The following RGS7 variants were observed in gnomAD, a reference collection of about 807,000 sequenced individuals.
RGS7 encodes regulator of G protein signaling 7.
A neutral mutation model predicts 81.1 loss-of-function variants in RGS7; 27 were observed. The ratio of observed to expected loss-of-function variants is 0.33; its 90% CI spans 0.25 to 0.46. RGS7 has a LOEUF of 0.46. RGS7 is among the 20% of genes least tolerant of loss of function. RGS7 has a pLI of 1.00. For synonymous variants in RGS7, 208 were observed against 207.7 expected, an observed-to-expected ratio of 1.00 and a Z score of -0.01; for missense variants, 396 against 607.4, an observed-to-expected ratio of 0.65 and a Z score of 3.66.
At chr1:241,170,220 G>A (rs1165461310) in intron 2 of RGS7, among the ~76,000 whole-genome samples, 2 of 151,968 alleles carry the variant, frequency 1.3e-5, no homozygotes, top group Non-Finnish European at 2.9e-5. Context: ...TCACCACTCC[G>A]ACTTTTGCTT....
At chr1:240,829,124 G>A (rs1693364827) in intron 9 of RGS7, among the ~76,000 whole-genome samples, 1 of 152,020 alleles carries the variant, frequency 6.6e-6, no homozygotes, top group Non-Finnish European at 1.5e-5. Context: ...TAATAGATAA[G>A]GAAGTAAATG....
intron 9 of RGS7, among the ~76,000 whole-genome samples, chr1:240,832,955 A>G (rs962043959): frequency 6.6e-6 from 1 of 152,208 alleles, no homozygotes; most frequent in African/African-American, 2.4e-5. Context: ...AACCACGGAT[A>G]GTACCAAACC....
At chr1:240,833,652 C>A (rs981567901) in intron 9 of RGS7, among the ~76,000 whole-genome samples, 1 of 152,064 alleles carries the variant, frequency 6.6e-6, no homozygotes, top group Non-Finnish European at 1.5e-5. Flanking sequence ...AAAGAGTCAC[C>A]GCTTTGTAAT....
intron 2 of RGS7, among the ~76,000 whole-genome samples, chr1:241,162,704 C>T (rs572714047): frequency 9.0e-4 from 137 of 152,306 alleles, no homozygotes; most frequent in African/African-American, 3.2e-3. Flanking sequence ...AGGCAAGGAT[C>T]GAGTTTCTGC....
At chr1:241,213,096 A>T (rs2074341062) in intron 2 of RGS7, among the ~76,000 whole-genome samples, 1 of 152,142 alleles carries the variant, frequency 6.6e-6, no homozygotes, top group Non-Finnish European at 1.5e-5. Flanking sequence ...GATGGTGCTG[A>T]TTCAGAACAC....
chr1:241,287,364 CT>C (rs1430631638), intron 2 of RGS7, among the ~76,000 whole-genome samples: 2 of 152,074 alleles, frequency 1.3e-5, no homozygotes, highest in East Asian at 3.9e-4. Flanking sequence ...CTGTGCTGTT[CT>C]TGTGATAGTG....
At chr1:240,787,588 A>C (rs943031732) in intron 18 of RGS7, among the ~76,000 whole-genome samples, 4 of 152,208 alleles carry the variant, frequency 2.6e-5, no homozygotes, top group Non-Finnish European at 5.9e-5. Flanking sequence ...AGTAATTTGA[A>C]AGATTAAACT....
chr1:240,793,611 A>ATTTTTTTTTTTTTTTT (rs1205854418), intron 18 of RGS7, among the ~76,000 whole-genome samples: 5 of 78,872 alleles, frequency 6.3e-5, no homozygotes, highest in African/African-American at 3.9e-4. Flanking sequence ...ATATATATAT[A>ATTTTTTTTTTTTTTTT]TTTTTTTTTT....
intron 4 of RGS7, among the ~76,000 whole-genome samples, chr1:240,969,678 T>C (rs982976250): frequency 6.6e-6 from 1 of 152,244 alleles, no homozygotes; most frequent in Non-Finnish European, 1.5e-5. Context: ...CTGGCATTTA[T>C]AGATGCATGT....
chr1:241,086,807 G>C (rs1436598288), intron 3 of RGS7, among the ~76,000 whole-genome samples: 1 of 152,106 alleles, frequency 6.6e-6, no homozygotes, highest in Non-Finnish European at 1.5e-5. Context: ...CCTGTGCAAA[G>C]GTCACGCGAC....
chr1:241,299,772 A>G (rs2079622661), intron 2 of RGS7, among the ~76,000 whole-genome samples: 1 of 151,428 alleles, frequency 6.6e-6, no homozygotes, highest in Admixed American at 6.6e-5. Context: ...CTTAACTGTC[A>G]CATTAAAGCA....
intron 3 of RGS7, among the ~76,000 whole-genome samples, chr1:240,993,285 G>C (rs1241655765): frequency 1.3e-5 from 2 of 152,038 alleles, no homozygotes; most frequent in African/African-American, 4.8e-5. Context: ...GAAAGAGAGA[G>C]AGAGAGAAAG....
intron 2 of RGS7, among the ~76,000 whole-genome samples, chr1:241,299,999 C>A (rs1208557471): frequency 1.4e-5 from 2 of 146,510 alleles, no homozygotes; most frequent in Non-Finnish European, 3.0e-5. Context: ...CTTGTAATAC[C>A]AGCCACTCGG....
intron 18 of RGS7, among the ~76,000 whole-genome samples, chr1:240,785,331 G>A (rs1684884344): frequency 6.6e-6 from 1 of 152,152 alleles, no homozygotes; most frequent in African/African-American, 2.4e-5. Context: ...ACTCTTCAAA[G>A]ATGAACTTCC....
Position 240,820,595 on chromosome 1 carries a change from G to A in RGS7, c.685-4180C>T, listed in dbSNP as rs934451641. Among the ~76,000 whole-genome samples, 4 of 152,208 alleles carry A rather than the reference G, an allele frequency of 2.6e-5. No homozygotes were observed. The East Asian group carries it at 7.8e-4, about 30-fold the overall frequency. On this transcript the variant is annotated intron_variant, in intron 10 of 18. Transcript: ENST00000440928. ...GACTTTGGGAGGTGACTAGGTATGAGGGTGAAGCCCTTGTGAATGGGATTA... is the reference window on the plus strand; with the variant it reads ...GACTTTGGGAGGTGACTAGGTATGAAGGTGAAGCCCTTGTGAATGGGATTA...
chr1:241,176,677 A>AC (rs1393715121), intron 2 of RGS7, among the ~76,000 whole-genome samples: 1 of 151,970 alleles, frequency 6.6e-6, no homozygotes, highest in Non-Finnish European at 1.5e-5. Flanking sequence ...TTCTGCAGTC[A>AC]CCCCCATTAC....
chr1:241,094,573 T>C (rs1572664422), intron 3 of RGS7, among the ~76,000 whole-genome samples: 1 of 151,800 alleles, frequency 6.6e-6, no homozygotes, highest in African/African-American at 2.4e-5. Context: ...CTTGGGACTA[T>C]GGAAACCAGG....
rs183391003 is a variant in RGS7 at position 241,155,954 on chromosome 1, T to C, written c.79-57192A>G. ...CTTTCTTCATGACTAGATAAAATTA[T>C]AGTAACTACCACAGGGATTATGATT... On this transcript the variant is annotated intron_variant, in intron 2 of 18. Transcript: ENST00000440928. 2.2e-3 allele frequency among the ~76,000 whole-genome samples: 328 copies of C among 152,232 alleles called. 2 individuals carry two copies. The highest frequency in any genetic ancestry group is 7.6e-3 in the African/African-American group (316 of 41,530).
chr1:240,972,512 C>T (rs1206024249), intron 4 of RGS7, among the ~76,000 whole-genome samples: 3 of 108,628 alleles, frequency 2.8e-5, no homozygotes, highest in Non-Finnish European at 5.2e-5. Context: ...CACATGGACA[C>T]AGGAAGGGGA....
Sources: allele counts gnomAD v4.1 joint callset (sites outside exome capture counted in the v4.1 genomes callset), GRCh38; gene constraint gnomAD v4.1.1; transcripts MANE v1.5; gene names NCBI Gene and HGNC (gene_info 2026-07-23, HGNC 2026-07-21).